The following BACH2 variants were observed in gnomAD, a reference collection of about 807,000 sequenced individuals.
BACH2 encodes the protein transcription regulator protein BACH2.
A neutral mutation model predicts 61.8 loss-of-function variants in BACH2; 5 were observed. The observed-to-expected ratio is 0.08, with a 90% confidence interval of 0.04 to 0.17. BACH2 has a LOEUF of 0.17. Among genes scored for constraint, BACH2 ranks in the 10% least tolerant of loss-of-function variants. The pLI, the probability that BACH2 is intolerant of heterozygous loss-of-function variation, is 1.00. For synonymous variants in BACH2, 446 were observed against 440.1 expected (o/e 1.01, Z -0.17); for missense variants, 824 against 1,091.1 (o/e 0.76, Z 3.45).
chr6:89,957,699 C>A (rs1774501348), intron 6 of BACH2, among the ~76,000 whole-genome samples: 1 of 151,966 alleles, frequency 6.6e-6, no homozygotes, highest in East Asian at 1.9e-4. Context: ...TACCACTATG[C>A]CCAGCTAATT....
intron 4 of BACH2, among the ~76,000 whole-genome samples, chr6:90,125,219 TTG>T (rs1429366345): frequency 6.6e-6 from 1 of 152,184 alleles, no homozygotes; most frequent in Non-Finnish European, 1.5e-5. Flanking sequence ...AAAGATTAGT[TTG>T]TGTGTTTATT....
chr6:90,215,647 TTGG>T, intron 3 of BACH2, among the ~76,000 whole-genome samples: 1 of 152,152 alleles, frequency 6.6e-6, no homozygotes, highest in African/African-American at 2.4e-5. Flanking sequence ...TCTGCCAGAA[TTGG>T]GTTCCCTAAA....
At chr6:89,958,207 C>T (rs1213211753) in intron 6 of BACH2, among the ~76,000 whole-genome samples, 1 of 152,176 alleles carries the variant, frequency 6.6e-6, no homozygotes, top group Non-Finnish European at 1.5e-5. Context: ...CCTCGAACTC[C>T]TGGGCTCAAG....
At position 90,296,787 on chromosome 6, in the gene BACH2, T is replaced by A. The variant is rs1772416231; in HGVS notation, c.-753A>T. 5.8e-6 allele frequency: 1 copy of A among 172,962 alleles called. No individual in the cohort carries two copies. The highest frequency in any genetic ancestry group is 2.4e-5 in the African/African-American group (1 of 41,364). 10.7% of individuals were successfully genotyped at this position (172,962 alleles called of 1,614,324 possible). ...CCGCAGCCCGGGCGTGCACGGCCGCTGCTGCCGCTGCTGCTGCTGCTGCTG... is the reference window on the plus strand; with the variant it reads ...CCGCAGCCCGGGCGTGCACGGCCGCAGCTGCCGCTGCTGCTGCTGCTGCTG... On this transcript the variant is annotated 5_prime_UTR_variant, in exon 1 of 9. Transcript: ENST00000257749.
intron 6 of BACH2, among the ~76,000 whole-genome samples, chr6:89,978,844 C>T (rs563642854): frequency 7.9e-5 from 12 of 152,222 alleles, no homozygotes; most frequent in African/African-American, 2.9e-4. Context: ...ATAAACATCC[C>T]CTACTTTCTG....
At chr6:90,082,503 C>A (rs2127805382) in intron 5 of BACH2, among the ~76,000 whole-genome samples, 1 of 152,244 alleles carries the variant, frequency 6.6e-6, no homozygotes, top group Admixed American at 6.5e-5. Flanking sequence ...TTAAAGGCAT[C>A]ATTCCTAAGT....
chr6:90,025,946 T>C (rs1395419829), intron 5 of BACH2, among the ~76,000 whole-genome samples: 3 of 152,190 alleles, frequency 2.0e-5, no homozygotes, highest in Admixed American at 6.5e-5. Flanking sequence ...TACATTTTAA[T>C]AGAAGGCACT....
chr6:90,176,138 C>T (rs368697223), intron 4 of BACH2, among the ~76,000 whole-genome samples: 74 of 152,180 alleles, frequency 4.9e-4, no homozygotes, highest in African/African-American at 5.5e-4. Flanking sequence ...GTGAATGTAA[C>T]AAATTTCTTC....
At chr6:90,123,000 T>A (rs567025575) in intron 4 of BACH2, among the ~76,000 whole-genome samples, 1 of 152,000 alleles carries the variant, frequency 6.6e-6, no homozygotes, top group South Asian at 2.1e-4. Context: ...TTAGAAGGAG[T>A]AGGGGGTTGA....
intron 2 of BACH2, among the ~76,000 whole-genome samples, chr6:90,258,936 G>A (rs571372076): frequency 5.5e-4 from 83 of 151,946 alleles, no homozygotes; most frequent in Non-Finnish European, 1.0e-3. Flanking sequence ...GAATTCATTC[G>A]TTGTTCTAAC....
chr6:90,105,322 G>C (rs1348066203), intron 4 of BACH2, among the ~76,000 whole-genome samples: 1 of 152,198 alleles, frequency 6.6e-6, no homozygotes, highest in Non-Finnish European at 1.5e-5. Flanking sequence ...TTCTCTGTTT[G>C]GCTGCAGCCA....
At chr6:89,954,856 T>TA (rs1008174871) in intron 6 of BACH2, among the ~76,000 whole-genome samples, 4 of 152,148 alleles carry the variant, frequency 2.6e-5, no homozygotes, top group African/African-American at 4.8e-5. Flanking sequence ...GAGTCATAGA[T>TA]AAAAAATCTG....
Position 90,021,691 on chromosome 6 carries a change from ATTAC to A in BACH2, c.-12-12839_-12-12836del, listed in dbSNP as rs551769392. ...TTTTAGAGTGCACAGTGCTATAAAAATTACTTACTTATTACTTTTGGATTGGAAA... is the reference window on the plus strand; with the variant it reads ...TTTTAGAGTGCACAGTGCTATAAAAATTACTTATTACTTTTGGATTGGAAA... On this transcript the variant is annotated intron_variant, in intron 5 of 8. Transcript: ENST00000257749. 2.3e-4 allele frequency among the ~76,000 whole-genome samples: 35 copies of A among 152,372 alleles called. No homozygotes were observed. In the South Asian group the frequency reaches 6.8e-3, roughly 30 times the overall value.
intron 4 of BACH2, among the ~76,000 whole-genome samples, chr6:90,189,577 C>T (rs1048293824): frequency 2.1e-5 from 3 of 140,920 alleles, no homozygotes; most frequent in Non-Finnish European, 4.5e-5. Flanking sequence ...CACTGCAGTC[C>T]GCAGTCCGGC....
intron 5 of BACH2, among the ~76,000 whole-genome samples, chr6:90,052,905 A>G (rs1780124296): frequency 1.3e-5 from 2 of 152,310 alleles, no homozygotes; most frequent in South Asian, 4.1e-4. Context: ...CAATTTACAT[A>G]TATTGTGATT....
intron 4 of BACH2, among the ~76,000 whole-genome samples, chr6:90,195,172 G>A (rs543692334): frequency 3.3e-5 from 5 of 152,140 alleles, no homozygotes; most frequent in African/African-American, 1.2e-4. Context: ...TGCTTCTCCT[G>A]CTGCTTTTCC....
intron 5 of BACH2, among the ~76,000 whole-genome samples, chr6:90,069,597 A>G (rs1438053596): frequency 1.3e-5 from 2 of 152,210 alleles, no homozygotes; most frequent in Non-Finnish European, 2.9e-5. Context: ...AACGTAGAAA[A>G]AAAGACTTTA....
chr6:90,178,026 C>T (rs1469778373), intron 4 of BACH2, among the ~76,000 whole-genome samples: 1 of 152,108 alleles, frequency 6.6e-6, no homozygotes, highest in African/African-American at 2.4e-5. Context: ...GTGCTGTAGA[C>T]CAAAATAGCA....
intron 5 of BACH2, among the ~76,000 whole-genome samples, chr6:90,067,787 G>A (rs2127800596): frequency 6.6e-6 from 1 of 152,210 alleles, no homozygotes; most frequent in South Asian, 2.1e-4. Flanking sequence ...CCCAGGCCAG[G>A]GAGTGTCACC....
Sources: gnomAD v4.1 joint callset for allele counts (sites outside exome capture counted in the v4.1 genomes callset) on GRCh38, gnomAD v4.1.1 for gene constraint, MANE v1.5 for transcripts, NCBI Gene and HGNC (gene_info 2026-07-23, HGNC 2026-07-21) for gene names.